DMD: variants seen among roughly 807,000 people sequenced by gnomAD.
DMD encodes mutant dystrophin.
DMD carries 63 observed loss-of-function variants against 330.1 expected under a neutral mutation model. That is an observed-to-expected ratio of 0.19 (90% CI 0.16 to 0.24). The LOEUF is 0.24. Ranked by LOEUF, DMD falls within the 10% of genes least tolerant of loss-of-function variation. The pLI is 1.00. For synonymous variants in DMD, 1,223 were observed against 959.8 expected (o/e 1.27, Z -5.07); for missense variants, 3,344 against 2,684.1 (o/e 1.25, Z -5.43).
intron 61 of DMD, among the ~76,000 whole-genome samples, chrX:31,344,010 T>C (rs1428247801): frequency 6.5e-4 from 60 of 92,232 alleles, no homozygotes; most frequent in Non-Finnish European, 1.1e-3. Context: ...AGGGTCAGGG[T>C]CTTGCTCTGT....
At chrX:31,782,564 A>G (rs1471272722) in intron 50 of DMD, among the ~76,000 whole-genome samples, 2 of 110,186 alleles carry the variant, frequency 1.8e-5, no homozygotes, top group African/African-American at 6.6e-5. Context: ...TCGATGAACC[A>G]AGCCCCAAGC....
intron 2 of DMD, among the ~76,000 whole-genome samples, chrX:32,898,782 G>A (rs758394409): frequency 9.0e-5 from 10 of 111,096 alleles, no homozygotes; most frequent in South Asian, 7.7e-4. Flanking sequence ...TCTCACTTCC[G>A]TTGGTCGCTG....
At chrX:31,737,115 A>G (rs1224176184) in intron 51 of DMD, among the ~76,000 whole-genome samples, 3 of 112,021 alleles carry the variant, frequency 2.7e-5, no homozygotes, top group African/African-American at 9.7e-5. Context: ...AAATGAATGA[A>G]AAAGAAGTTA....
At chrX:32,917,402 A>C (rs17330215) in intron 2 of DMD, among the ~76,000 whole-genome samples, 22,717 of 111,225 alleles carry the variant, frequency 0.2, 2,279 homozygotes, top group Non-Finnish European at 0.31. Context: ...AAAGCTACAA[A>C]CTATTTTTGT....
chrX:32,693,151 T>A (rs1243902949), intron 9 of DMD, among the ~76,000 whole-genome samples: 2 of 111,402 alleles, frequency 1.8e-5, no homozygotes, highest in Non-Finnish European at 3.8e-5. Context: ...AAGGGGGCAA[T>A]GAGCCAGTGA....
chrX:31,872,494 A>G (rs2093907585), intron 48 of DMD, among the ~76,000 whole-genome samples: 1 of 111,726 alleles, frequency 9.0e-6, no homozygotes, highest in Non-Finnish European at 1.9e-5. Context: ...GATTGAGTAA[A>G]CAGGATCTAT....
intron 41 of DMD, among the ~76,000 whole-genome samples, chrX:32,334,717 C>A (rs906217262): frequency 2.7e-5 from 3 of 111,329 alleles, no homozygotes; most frequent in African/African-American, 9.8e-5. Context: ...AATAAGAAAC[C>A]TTTCATCAAT....
chrX:31,434,418 GCACACACACACA>G (rs10572572), intron 60 of DMD, among the ~76,000 whole-genome samples: 3,900 of 78,016 alleles, frequency 0.05, 247 homozygotes, highest in African/African-American at 0.14. Context: ...CAGCGCGCGC[GCACACACACACA>G]CACACACACA....
At chrX:32,855,401 C>T (rs758645016) in intron 2 of DMD, among the ~76,000 whole-genome samples, 1 of 111,920 alleles carries the variant, frequency 8.9e-6, no homozygotes, top group Admixed American at 9.5e-5. Context: ...AATCCCATTA[C>T]CTGACTTCAA....
At chrX:32,598,693 C>A (rs2055851761) in intron 12 of DMD, among the ~76,000 whole-genome samples, 1 of 112,073 alleles carries the variant, frequency 8.9e-6, no homozygotes, top group African/African-American at 3.2e-5. Context: ...ATCAAACGTA[C>A]TATATTCTCC....
At chrX:32,342,601 G>T (rs1203866877) in intron 40 of DMD, 9 of 300,425 alleles carry the variant, frequency 3.0e-5, no homozygotes, top group Non-Finnish European at 5.2e-5. Context: ...ATTTATTAGG[G>T]ACCGTCCACA....
At chrX:31,862,844 G>A (rs975408937) in intron 48 of DMD, among the ~76,000 whole-genome samples, 1 of 112,527 alleles carries the variant, frequency 8.9e-6, no homozygotes, top group African/African-American at 3.2e-5. Flanking sequence ...AGCATGCACC[G>A]GCGAAATAGC....
intron 43 of DMD, among the ~76,000 whole-genome samples, chrX:32,276,909 G>A (rs1461631671): frequency 9.1e-6 from 1 of 109,575 alleles, no homozygotes; most frequent in African/African-American, 3.4e-5. Flanking sequence ...AACAGAGTGA[G>A]ATGCTGTCTC....
At chrX:31,372,748 T>C (rs1203957161) in intron 60 of DMD, among the ~76,000 whole-genome samples, 1 of 111,461 alleles carries the variant, frequency 9.0e-6, no homozygotes, top group East Asian at 2.8e-4. Context: ...AAGCATTCCC[T>C]CTGAAAACTG....
intron 7 of DMD, among the ~76,000 whole-genome samples, chrX:32,783,757 A>G (rs991381554): frequency 5.4e-5 from 6 of 111,329 alleles, no homozygotes; most frequent in Non-Finnish European, 9.5e-5. Flanking sequence ...CATTTATATA[A>G]GGAACTTAAG....
At chrX:31,911,354 G>A (rs1033078052) in intron 47 of DMD, among the ~76,000 whole-genome samples, 1 of 112,185 alleles carries the variant, frequency 8.9e-6, no homozygotes, top group African/African-American at 3.2e-5. Flanking sequence ...CATGTGCTGA[G>A]CTCAGGTTTC....
At chrX:32,422,891 T>A (rs888922892) in intron 29 of DMD, among the ~76,000 whole-genome samples, 1 of 111,220 alleles carries the variant, frequency 9.0e-6, no homozygotes, top group Non-Finnish European at 1.9e-5. Flanking sequence ...TTTTAAAAAG[T>A]TGAGAGTGGT....
In DMD at chrX:32,269,150, C is replaced by A. The variant is rs943022238; in HGVS notation, c.6290+18379G>T. Among the ~76,000 whole-genome samples, 4 of 110,843 alleles carry A rather than the reference C, an allele frequency of 3.6e-5. No homozygotes were observed. In the Admixed American group the frequency reaches 3.9e-4, roughly 11 times the overall value. On this transcript the variant is annotated intron_variant, in intron 43 of 78. Transcript: ENST00000357033. ...ATGTCATAGTGTAACTGGTATACGACCTTCCTCTGGAAACACTTGACTGGT... is the reference window on the plus strand; with the variant it reads ...ATGTCATAGTGTAACTGGTATACGAACTTCCTCTGGAAACACTTGACTGGT...
In DMD at chrX:32,238,893, G is replaced by A. The variant is rs143323102; in HGVS notation, c.6291-21830C>T. On this transcript the variant is annotated intron_variant, in intron 43 of 78. Coordinates refer to ENST00000357033, the MANE Select transcript of DMD (RefSeq NM_004006.3). ...GGCATTTAGTAAGCCCTTTAAACCT[G>A]GACACTCATTTTCTTCAGTTCTAAG... 5.7e-3 allele frequency among the ~76,000 whole-genome samples: 630 copies of A among 111,135 alleles called. 3 individuals carry two copies. The highest frequency in any genetic ancestry group is 9.7e-3 in the Non-Finnish European group (511 of 52,920).
Sources: gnomAD v4.1 joint callset for allele counts (sites outside exome capture counted in the v4.1 genomes callset) on GRCh38, gnomAD v4.1.1 for gene constraint, MANE v1.5 for transcripts, NCBI Gene and HGNC (gene_info 2026-07-23, HGNC 2026-07-21) for gene names.